Variants in CSRNP3 observed in about 807,000 individuals in gnomAD.
The protein encoded by CSRNP3 is cysteine and serine rich nuclear protein 3.
In CSRNP3, 12 loss-of-function variants were observed where a neutral mutation model predicts 48.0. The ratio of observed to expected loss-of-function variants is 0.25; its 90% CI spans 0.16 to 0.41. The LOEUF is 0.41. Among genes scored for constraint, CSRNP3 ranks in the 10% least tolerant of loss-of-function variants. The pLI, the probability that CSRNP3 is intolerant of heterozygous loss-of-function variation, is 1.00. For missense variants in CSRNP3, 580 were observed against 724.4 expected (o/e 0.80, Z 2.29); for synonymous variants, 263 against 269.7 (o/e 0.98, Z 0.24).
chr2:165,689,002 C>T lies in CSRNP3; in HGVS notation c.*9249C>T, dbSNP rs1441998561. 1.3e-5 allele frequency: 2 copies of T among 152,052 alleles called. No individual in the cohort carries two copies. The highest frequency in any genetic ancestry group is 2.9e-5 in the Non-Finnish European group (2 of 67,994). 9.4% of individuals were successfully genotyped at this position (152,052 alleles called of 1,614,324 possible). On this transcript the variant is annotated 3_prime_UTR_variant, in exon 7 of 7. Transcript: ENST00000651982. The stretch of plus-strand genomic sequence containing the variant: ...GAAAATCAACTCCAGTCCACACATA[C>T]AGTCATGTTACATTAAGATGTCATG...
intron 3 of CSRNP3, among the ~76,000 whole-genome samples, chr2:165,549,565 T>C (rs1685072393): frequency 6.6e-6 from 1 of 152,098 alleles, no homozygotes; most frequent in East Asian, 1.9e-4. Flanking sequence ...ATAACATTAT[T>C]TTTCTCGATG....
rs563436361 is a variant in CSRNP3, at chr2:165,574,929, T to G, written c.-23-20114T>G. 2.6e-5 allele frequency among the ~76,000 whole-genome samples: 4 copies of G among 152,252 alleles called. No homozygotes were observed. The East Asian group carries it at 7.7e-4, about 29-fold the overall frequency. On this transcript the variant is annotated intron_variant, in intron 3 of 6. Coordinates refer to ENST00000651982, the MANE Select transcript of CSRNP3 (RefSeq NM_001172173.2). ...ATTTGAAGGGTTTTGGTTTTGAGGG[T>G]TTTTGTTCTATATTTTATTGCCAAA...
intron 3 of CSRNP3, among the ~76,000 whole-genome samples, chr2:165,584,173 AG>A (rs1685591350): frequency 6.6e-6 from 1 of 152,190 alleles, no homozygotes; most frequent in Non-Finnish European, 1.5e-5. Flanking sequence ...TTAAGATGTC[AG>A]GATATTAGGA....
intron 1 of CSRNP3, among the ~76,000 whole-genome samples, chr2:165,490,353 C>G (rs1419589652): frequency 6.8e-6 from 1 of 147,102 alleles, no homozygotes; most frequent in East Asian, 2.0e-4. Context: ...GAATCAATAT[C>G]TTGAAAATGG....
At chr2:165,652,472 C>G (rs1462682149) in intron 4 of CSRNP3, among the ~76,000 whole-genome samples, 2 of 148,312 alleles carry the variant, frequency 1.3e-5, no homozygotes, top group East Asian at 4.1e-4. Flanking sequence ...GCACTCTAGC[C>G]TGGTAACAGA....
intron 4 of CSRNP3, among the ~76,000 whole-genome samples, chr2:165,655,138 G>C (rs1345145393): frequency 6.6e-6 from 1 of 152,132 alleles, no homozygotes; most frequent in African/African-American, 2.4e-5. Flanking sequence ...AATCCAATTA[G>C]AGTCAATTTT....
chr2:165,488,967 A>G (rs1178764766), intron 1 of CSRNP3, among the ~76,000 whole-genome samples: 20 of 109,582 alleles, frequency 1.8e-4, no homozygotes, highest in Admixed American at 3.9e-4. Context: ...TGAAGGAAAT[A>G]GAGACACAAA....
At chr2:165,550,285 ATAT>A (rs1685080726) in intron 3 of CSRNP3, among the ~76,000 whole-genome samples, 1 of 152,218 alleles carries the variant, frequency 6.6e-6, no homozygotes, top group African/African-American at 2.4e-5. Flanking sequence ...ATATTGTAGA[ATAT>A]TATTATAAAT....
At chr2:165,539,135 A>G (rs1684920635) in intron 3 of CSRNP3, among the ~76,000 whole-genome samples, 1 of 151,920 alleles carries the variant, frequency 6.6e-6, no homozygotes, top group Admixed American at 6.6e-5. Flanking sequence ...CTGATGGTAT[A>G]TTTATGTTTG....
intron 3 of CSRNP3, chr2:165,574,008 G>A (rs955734225): frequency 2.0e-5 from 4 of 201,452 alleles, no homozygotes; most frequent in Non-Finnish European, 4.0e-5. Context: ...GTGAGAATAG[G>A]ACTCTAAAAC....
chr2:165,580,864 G>GT (rs61668829), intron 3 of CSRNP3, among the ~76,000 whole-genome samples: 56,222 of 148,874 alleles, frequency 0.38, 10,654 homozygotes, highest in South Asian at 0.48. Context: ...TGTGTGTTTT[G>GT]TTTTTTTTTT....
intron 3 of CSRNP3, chr2:165,574,507 T>C: frequency 2.1e-6 from 2 of 969,332 alleles, no homozygotes; most frequent in Non-Finnish European, 3.0e-6. Flanking sequence ...TTTTAATTCA[T>C]CGTGGCAATT....
intron 1 of CSRNP3, among the ~76,000 whole-genome samples, chr2:165,471,267 T>C (rs1683891716): frequency 6.6e-6 from 1 of 152,048 alleles, no homozygotes. Flanking sequence ...AATTATTACA[T>C]AATACTGAAA....
intron 2 of CSRNP3, among the ~76,000 whole-genome samples, chr2:165,499,446 T>C (rs986452880): frequency 1.3e-5 from 2 of 152,186 alleles, no homozygotes; most frequent in African/African-American, 4.8e-5. Context: ...GTGCGATTTC[T>C]AAATAGGCTG....
intron 3 of CSRNP3, among the ~76,000 whole-genome samples, chr2:165,541,396 A>C (rs1348632926): frequency 1.3e-5 from 2 of 152,044 alleles, no homozygotes; most frequent in Non-Finnish European, 2.9e-5. Context: ...TGAGCACTAC[A>C]GAGGTCGTCC....
chr2:165,676,287 C>T (rs374471764), intron 5 of CSRNP3, 25 bp from the exon 6 acceptor site: 14 of 1,604,696 alleles, frequency 8.7e-6, no homozygotes, highest in Non-Finnish European at 8.5e-6. Flanking sequence ...TAATGAGTCT[C>T]TTATTTGCTG....
At chr2:165,604,821 T>C (rs532117471) in intron 4 of CSRNP3, among the ~76,000 whole-genome samples, 1 of 152,298 alleles carries the variant, frequency 6.6e-6, no homozygotes, top group South Asian at 2.1e-4. Context: ...GTTCATTTAG[T>C]TCTTGTTTGA....
rs1558944654 is a variant in CSRNP3, at chr2:165,595,152, C to T, written c.87C>T (p.Ser29=). ...TGAGGGAATCAGATGATGAAGTTTC[C>T]AGCAGTGAAAGTGCTGACAGTGGGG... The part of the protein sequence containing the change: ...SSVRESDDEV[S]SSESADSGDS... Residue 29 remains serine, a synonymous_variant, in exon 4 of 7, where the codon TCC becomes TCT. Coordinates refer to ENST00000651982, the MANE Select transcript of CSRNP3 (RefSeq NM_001172173.2). 1.2e-6 allele frequency: 2 copies of T among 1,614,142 alleles called. No homozygotes were observed. Among genetic ancestry groups the T allele is most frequent in the Non-Finnish European group, 1.7e-6 (2 of 1,180,006 alleles).
intron 1 of CSRNP3, among the ~76,000 whole-genome samples, chr2:165,478,433 G>A (rs73969255): frequency 1.8e-3 from 274 of 152,208 alleles, no homozygotes; most frequent in African/African-American, 6.4e-3. Context: ...AAAGCAGCAC[G>A]TGTACATATG....
Sources: gnomAD v4.1 joint callset for allele counts (sites outside exome capture counted in the v4.1 genomes callset) on GRCh38, gnomAD v4.1.1 for gene constraint, MANE v1.5 for transcripts, NCBI Gene and HGNC (gene_info 2026-07-23, HGNC 2026-07-21) for gene names.